The following SDK1 variants were observed in gnomAD, a reference collection of about 807,000 sequenced individuals.
The protein encoded by SDK1 is sidekick cell adhesion molecule 1.
In SDK1, 157 loss-of-function variants were observed where a neutral mutation model predicts 245.5. That is an observed-to-expected ratio of 0.64 (90% CI 0.56 to 0.73). The LOEUF is 0.73. Among genes scored for constraint, SDK1 ranks in the 30% least tolerant of loss-of-function variants. SDK1 has a pLI of 0.00. For synonymous variants in SDK1, 1,647 were observed against 1,278.5 expected (o/e 1.29, Z -6.15); for missense variants, 3,583 against 3,002.3 (o/e 1.19, Z -4.52).
At chr7:3,494,176 C>T (rs1480776379) in intron 1 of SDK1, among the ~76,000 whole-genome samples, 2 of 152,174 alleles carry the variant, frequency 1.3e-5, no homozygotes, top group South Asian at 2.1e-4. Flanking sequence ...TATTATAAAG[C>T]CATTTTTTAT....
At chr7:3,613,954 C>A (rs1781683560) in intron 1 of SDK1, among the ~76,000 whole-genome samples, 1 of 152,080 alleles carries the variant, frequency 6.6e-6, no homozygotes, top group Non-Finnish European at 1.5e-5. Context: ...AGGGGAACAA[C>A]ACACATTGAG....
chr7:3,391,237 C>T (rs1264044598), intron 1 of SDK1, among the ~76,000 whole-genome samples: 1 of 152,142 alleles, frequency 6.6e-6, no homozygotes, highest in African/African-American at 2.4e-5. Context: ...CTGAGCTCAC[C>T]AGCGAAATAA....
intron 1 of SDK1, among the ~76,000 whole-genome samples, chr7:3,444,968 A>G (rs1409229047): frequency 6.6e-6 from 1 of 152,222 alleles, no homozygotes; most frequent in Non-Finnish European, 1.5e-5. Context: ...ATTTTGAAAG[A>G]TGAGTTTAAA....
chr7:3,651,724 A>G (rs1021000950), intron 4 of SDK1, among the ~76,000 whole-genome samples: 4 of 152,228 alleles, frequency 2.6e-5, no homozygotes, highest in African/African-American at 7.2e-5. Context: ...TATACATATT[A>G]TGGTGTAACT....
At chr7:3,511,627 G>C (rs1438548868) in intron 1 of SDK1, among the ~76,000 whole-genome samples, 1 of 151,866 alleles carries the variant, frequency 6.6e-6, no homozygotes, top group Middle Eastern at 3.2e-3. Flanking sequence ...AGTTTTTTCT[G>C]GGTGATTGTG....
At chr7:3,790,134 T>C (rs1347648192) in intron 4 of SDK1, among the ~76,000 whole-genome samples, 1 of 152,096 alleles carries the variant, frequency 6.6e-6, no homozygotes, top group Non-Finnish European at 1.5e-5. Context: ...GCAGACTGAA[T>C]GGTGGGGCCA....
chr7:3,909,456 C>T (rs567312636), intron 5 of SDK1, among the ~76,000 whole-genome samples: 2 of 152,176 alleles, frequency 1.3e-5, no homozygotes, highest in Non-Finnish European at 2.9e-5. Flanking sequence ...CAGTTGTGGC[C>T]TCTGCTCAGG....
chr7:3,768,628 C>T (rs1164991601), intron 4 of SDK1, among the ~76,000 whole-genome samples: 1 of 152,196 alleles, frequency 6.6e-6, no homozygotes, highest in Non-Finnish European at 1.5e-5. Context: ...GAATAAATTA[C>T]ACGCCTAGTC....
At chr7:3,397,949 G>T (rs367929784) in intron 1 of SDK1, among the ~76,000 whole-genome samples, 1 of 152,072 alleles carries the variant, frequency 6.6e-6, no homozygotes, top group Middle Eastern at 3.2e-3. Context: ...TTCAGATTGT[G>T]TGTTTTCTTG....
At chr7:3,733,268 A>G (rs1232988623) in intron 4 of SDK1, among the ~76,000 whole-genome samples, 1 of 152,202 alleles carries the variant, frequency 6.6e-6, no homozygotes, top group Non-Finnish European at 1.5e-5. Context: ...CATTGTCCTA[A>G]GAACTTTTGC....
At chr7:3,996,916 C>T (rs931756851) in intron 14 of SDK1, among the ~76,000 whole-genome samples, 1 of 152,070 alleles carries the variant, frequency 6.6e-6, no homozygotes, top group African/African-American at 2.4e-5. Flanking sequence ...TAGGATTTTA[C>T]TGTTATGTGT....
At chr7:3,810,758 A>G (rs942084925) in intron 4 of SDK1, among the ~76,000 whole-genome samples, 2 of 152,162 alleles carry the variant, frequency 1.3e-5, no homozygotes, top group African/African-American at 4.8e-5. Flanking sequence ...ACATAAACAC[A>G]TGTGGAGAAA....
chr7:3,953,402 T>C (rs1188645449), intron 7 of SDK1, among the ~76,000 whole-genome samples: 1 of 152,228 alleles, frequency 6.6e-6, no homozygotes, highest in African/African-American at 2.4e-5. Flanking sequence ...CCAATCACTG[T>C]TGATTCTACA....
At chr7:3,691,292 T>C (rs992143105) in intron 4 of SDK1, among the ~76,000 whole-genome samples, 17 of 152,294 alleles carry the variant, frequency 1.1e-4, no homozygotes, top group African/African-American at 4.1e-4. Context: ...AGAATGAAAA[T>C]GTCTTATGTT....
chr7:4,187,306 A>G (rs1782953962), intron 35 of SDK1, among the ~76,000 whole-genome samples: 1 of 152,180 alleles, frequency 6.6e-6, no homozygotes, highest in Non-Finnish European at 1.5e-5. Context: ...TGGGTCCAGC[A>G]CCTTGCTATT....
intron 4 of SDK1, among the ~76,000 whole-genome samples, chr7:3,689,327 T>A (rs1041957070): frequency 2.6e-5 from 4 of 152,314 alleles, no homozygotes; most frequent in Admixed American, 1.3e-4. Flanking sequence ...CTCCTCCCTG[T>A]TCCTGTTGGA....
chr7:3,951,715 C>A lies in SDK1; in HGVS notation c.960-15C>A. ...GAGTCACAATCGTCGTCATGAATGC[C>A]TTTCATTCCCACAGGCCTGTGGAGG... On this transcript the variant is annotated splice_polypyrimidine_tract_variant and intron_variant, in intron 6 of 44. Transcript: ENST00000404826. 6.2e-7 allele frequency: 1 copy of A among 1,611,160 alleles called. No individual in the cohort carries two copies. The highest frequency in any genetic ancestry group is 2.2e-5 in the East Asian group (1 of 44,870).
intron 5 of SDK1, among the ~76,000 whole-genome samples, chr7:3,840,846 G>C (rs1276946695): frequency 6.6e-6 from 1 of 152,196 alleles, no homozygotes; most frequent in South Asian, 2.1e-4. Context: ...CTAGGGATCG[G>C]GACCTCTGGG....
chr7:3,642,471 A>T (rs946544692), intron 4 of SDK1, among the ~76,000 whole-genome samples: 2 of 152,116 alleles, frequency 1.3e-5, no homozygotes, highest in African/African-American at 4.8e-5. Context: ...ATTTACTTAC[A>T]GTGCTGTGGG....
Sources: gnomAD v4.1 joint callset for allele counts (sites outside exome capture counted in the v4.1 genomes callset) on GRCh38, gnomAD v4.1.1 for gene constraint, MANE v1.5 for transcripts, NCBI Gene and HGNC (gene_info 2026-07-23, HGNC 2026-07-21) for gene names.